Variants in ARHGAP24 observed in about 807,000 individuals in gnomAD.
ARHGAP24 encodes the protein rho GTPase-activating protein 24.
Under a neutral mutation model 76.4 loss-of-function variants are expected in ARHGAP24, and 50 were observed. The observed-to-expected ratio is 0.65, with a 90% CI of 0.52 to 0.83. The LOEUF is 0.83. Among genes scored for constraint, ARHGAP24 ranks in the 40% least tolerant of loss-of-function variants. The pLI is 0.00. For synonymous variants in ARHGAP24, 345 were observed against 323.3 expected (o/e 1.07, Z -0.72); for missense variants, 930 against 914.2 (o/e 1.02, Z -0.22).
At chr4:85,997,377 TA>T (rs1740734805) in intron 9 of ARHGAP24, among the ~76,000 whole-genome samples, 5 of 3,530 alleles carry the variant, frequency 1.4e-3, no homozygotes, top group Admixed American at 6.9e-3. Flanking sequence ...TAGATATAGA[TA>T]GATAGATAGA....
chr4:85,731,214 C>G (rs1352910961), intron 3 of ARHGAP24, among the ~76,000 whole-genome samples: 1 of 151,982 alleles, frequency 6.6e-6, no homozygotes, highest in African/African-American at 2.4e-5. Flanking sequence ...CTACACTACA[C>G]TGAGGCCAAA....
chr4:85,943,103 A>G (rs1176440228), intron 5 of ARHGAP24, among the ~76,000 whole-genome samples: 2 of 152,164 alleles, frequency 1.3e-5, no homozygotes, highest in Non-Finnish European at 2.9e-5. Context: ...TTACATTATG[A>G]CATTTTCATT....
At chr4:85,993,738 T>G (rs1057191152) in intron 8 of ARHGAP24, among the ~76,000 whole-genome samples, 15 of 152,212 alleles carry the variant, frequency 9.9e-5, no homozygotes, top group African/African-American at 3.6e-4. Context: ...GCCAGATAGC[T>G]GGTTTTCTTT....
intron 3 of ARHGAP24, among the ~76,000 whole-genome samples, chr4:85,828,386 T>C (rs1396228655): frequency 1.3e-5 from 2 of 152,230 alleles, no homozygotes; most frequent in African/African-American, 4.8e-5. Flanking sequence ...CACATTTTAG[T>C]GGTTGAAACT....
chr4:85,551,013 A>AC (rs55724286), intron 1 of ARHGAP24, among the ~76,000 whole-genome samples: 139,147 of 152,154 alleles, frequency 0.91, 64,816 homozygotes, highest in East Asian at 1. Flanking sequence ...CTATCTAGAT[A>AC]TTTTATTTCT....
intron 3 of ARHGAP24, among the ~76,000 whole-genome samples, chr4:85,902,911 G>A (rs901032944): frequency 1.3e-5 from 2 of 152,174 alleles, no homozygotes; most frequent in African/African-American, 4.8e-5. Flanking sequence ...GCCACAAGAT[G>A]CAACCACAGT....
chr4:85,982,524 C>T (rs1200003759), intron 8 of ARHGAP24, among the ~76,000 whole-genome samples: 1 of 152,116 alleles, frequency 6.6e-6, no homozygotes, highest in African/African-American at 2.4e-5. Context: ...TCAATCAGGC[C>T]CCAGGGGAAA....
intron 1 of ARHGAP24, among the ~76,000 whole-genome samples, chr4:85,477,493 G>A (rs1206323028): frequency 6.6e-6 from 1 of 152,212 alleles, no homozygotes; most frequent in Non-Finnish European, 1.5e-5. Context: ...GTTTTTGGGT[G>A]AAATCCCCAG....
intron 3 of ARHGAP24, among the ~76,000 whole-genome samples, chr4:85,797,825 T>G (rs891002360): frequency 6.6e-6 from 1 of 152,164 alleles, no homozygotes; most frequent in Non-Finnish European, 1.5e-5. Flanking sequence ...TTCCCAACCC[T>G]GCCCTCCTCA....
At chr4:85,839,742 T>C (rs1437245964) in intron 3 of ARHGAP24, among the ~76,000 whole-genome samples, 1 of 151,814 alleles carries the variant, frequency 6.6e-6, no homozygotes, top group Non-Finnish European at 1.5e-5. Flanking sequence ...CTAATATTTT[T>C]TAAGAATAAA....
chr4:85,475,935 T>C (rs1025204301), intron 1 of ARHGAP24, among the ~76,000 whole-genome samples: 1 of 151,818 alleles, frequency 6.6e-6, no homozygotes, highest in African/African-American at 2.4e-5. Context: ...CCTTGTTTGT[T>C]TCCTCTAGTA....
chr4:85,762,200 A>G (rs536470041), intron 3 of ARHGAP24, among the ~76,000 whole-genome samples: 2 of 152,330 alleles, frequency 1.3e-5, no homozygotes, highest in East Asian at 3.9e-4. Flanking sequence ...TAGTGCCCAA[A>G]TACTAAGCTA....
At chr4:85,857,304 AACT>A (rs1731632958) in intron 3 of ARHGAP24, among the ~76,000 whole-genome samples, 1 of 152,220 alleles carries the variant, frequency 6.6e-6, no homozygotes, top group Non-Finnish European at 1.5e-5. Context: ...ACACTTTACA[AACT>A]ACAAGAGAAA....
At chr4:85,782,724 C>A (rs1727622660) in intron 3 of ARHGAP24, among the ~76,000 whole-genome samples, 1 of 152,028 alleles carries the variant, frequency 6.6e-6, no homozygotes, top group African/African-American at 2.4e-5. Context: ...TTACAATCTC[C>A]CAGGGAAAAA....
rs769743219 is a variant in ARHGAP24, at chr4:85,721,940, A to G, written c.236A>G (p.Asn79Ser). Residue 79 changes from asparagine to serine, a missense_variant, in exon 3 of 10, where the codon AAC becomes AGC. Coordinates refer to ENST00000395184, the MANE Select transcript of ARHGAP24 (RefSeq NM_001025616.3). Reference protein sequence around the residue: ...KVSEHPCNEENPGKFLFEVVP... With the variant: ...KVSEHPCNEESPGKFLFEVVP... The stretch of plus-strand genomic sequence containing the variant: ...TCTGAGCATCCCTGCAATGAAGAGA[A>G]CCCAGGGAAGTTCCTTTTTGAAGTA... 2.5e-6 allele frequency: 4 copies of G among 1,613,536 alleles called. No homozygotes were observed. Among genetic ancestry groups the G allele is most frequent in the African/African-American group, 2.7e-5 (2 of 74,994 alleles).
intron 2 of ARHGAP24, among the ~76,000 whole-genome samples, chr4:85,608,213 A>G (rs549616958): frequency 6.6e-6 from 1 of 152,230 alleles, no homozygotes; most frequent in Non-Finnish European, 1.5e-5. Context: ...AAAGAATAAA[A>G]CAGGGAGAGG....
intron 3 of ARHGAP24, among the ~76,000 whole-genome samples, chr4:85,741,723 G>T (rs184889655): frequency 2.0e-5 from 3 of 152,172 alleles, no homozygotes; most frequent in Non-Finnish European, 2.9e-5. Flanking sequence ...TTTGTTTCAG[G>T]GCCTAGTGAT....
At chr4:85,707,587 C>A (rs1334278637) in intron 2 of ARHGAP24, among the ~76,000 whole-genome samples, 4 of 152,048 alleles carry the variant, frequency 2.6e-5, no homozygotes, top group African/African-American at 7.2e-5. Context: ...AAGCAGGGAT[C>A]CCTTATAGAT....
chr4:85,571,509 T>C (rs1727138247), intron 2 of ARHGAP24, among the ~76,000 whole-genome samples: 1 of 152,294 alleles, frequency 6.6e-6, no homozygotes, highest in African/African-American at 2.4e-5. Flanking sequence ...TTTAGATTCG[T>C]TTATATAAAC....
Sources: gnomAD v4.1 joint callset for allele counts (sites outside exome capture counted in the v4.1 genomes callset) on GRCh38, gnomAD v4.1.1 for gene constraint, MANE v1.5 for transcripts, NCBI Gene and HGNC (gene_info 2026-07-23, HGNC 2026-07-21) for gene names.